The following MED13 variants were observed in gnomAD, a reference collection of about 807,000 sequenced individuals.
The protein encoded by MED13 is mediator of RNA polymerase II transcription subunit 13.
MED13 carries 23 observed loss-of-function variants against 225.2 expected under a neutral mutation model. The ratio of observed to expected loss-of-function variants is 0.10; its 90% confidence interval spans 0.07 to 0.14. The LOEUF is 0.14. Ranked by LOEUF, MED13 falls within the 10% of genes least tolerant of loss-of-function variation. The probability of loss-of-function intolerance (pLI) is 1.00; values close to 1 mark genes in which losing one functional copy is unlikely to be tolerated. For missense variants in MED13, 2,197 were observed against 2,594.5 expected (o/e 0.85, Z 3.33); for synonymous variants, 942 against 889.2 (o/e 1.06, Z -1.06).
intron 3 of MED13, among the ~76,000 whole-genome samples, chr17:62,045,882 G>A (rs1231422905): frequency 1.3e-5 from 2 of 152,074 alleles, no homozygotes; most frequent in Admixed American, 1.3e-4. Context: ...AGTCCCTAAA[G>A]ACTGTTAAAC....
chr17:61,965,987 G>A (rs975032231), intron 19 of MED13, among the ~76,000 whole-genome samples: 1 of 151,920 alleles, frequency 6.6e-6, no homozygotes, highest in African/African-American at 2.4e-5. Flanking sequence ...AAGCAATACA[G>A]TTAGGCACGG....
chr17:61,984,173 C>T lies in MED13; in HGVS notation c.2886G>A (p.Glu962=). Residue 962 remains glutamate, a splice_region_variant and synonymous_variant, in exon 15 of 30, where the codon GAG becomes GAA. Transcript: ENST00000397786. ...TATTGTAACAACATAAATCATACCCCTCTTTGATGAATGGCATTGAAGGCC... is the reference window on the plus strand; with the variant it reads ...TATTGTAACAACATAAATCATACCCTTCTTTGATGAATGGCATTGAAGGCC... ...SSGPSMPFIK[E]GDGSNMDQEY... 2 of 1,554,880 alleles carry T rather than the reference C, an allele frequency of 1.3e-6. No individual in the cohort carries two copies. The highest frequency in any genetic ancestry group is 1.7e-6 in the Non-Finnish European group (2 of 1,153,846).
chr17:62,029,945 T>C lies in MED13; in HGVS notation c.1078A>G (p.Thr360Ala), dbSNP rs370949159. Residue 360 changes from threonine (T) to alanine (A), a missense_variant, in exon 7 of 30, where the codon ACT becomes GCT. Transcript: ENST00000397786. ...SVSDGFNSDS[T>A]SHHGGKIPRK... ...GGTATTTTCCCACCATGGTGGCTAG[T>C]ACTATCGGAGTTGAAGCCATCAGAT... 6.2e-7 allele frequency: 1 copy of C among 1,613,884 alleles called. No individual in the cohort carries two copies. Among genetic ancestry groups the C allele is most frequent in the African/African-American group, 1.3e-5 (1 of 75,034 alleles).
Position 61,944,129 on chromosome 17 carries a change from C to T in MED13, c.*2339G>A, listed in dbSNP as rs2079834878. The stretch of plus-strand genomic sequence containing the variant: ...AAATCCTGTATATTTGGGAACTATT[C>T]CCTGATTCCCAAATAAAAAATAATT... On this transcript the variant is annotated 3_prime_UTR_variant, in exon 30 of 30. Coordinates refer to ENST00000397786, the MANE Select transcript of MED13 (RefSeq NM_005121.3). 1 of 152,438 alleles carries T rather than the reference C, an allele frequency of 6.6e-6. No individual in the cohort carries two copies. The highest frequency in any genetic ancestry group is 1.5e-5 in the Non-Finnish European group (1 of 67,966). 9.4% of individuals were successfully genotyped at this position (152,438 alleles called of 1,614,324 possible). A position where few individuals can be genotyped will look rare whatever the true frequency, so the allele number is the denominator to read the frequency against.
Position 62,014,310 on chromosome 17 carries a change from T to TATATATATATATATATATATATATATATA in MED13, c.1284-3078_1284-3077insTATATATATATATATATATATATATATAT, listed in dbSNP as rs1555638734. Among the ~76,000 whole-genome samples, 5 of 143,114 alleles carry TATATATATATATATATATATATATATATA rather than the reference T, an allele frequency of 3.5e-5. 1 individual carries two copies. The highest frequency in any genetic ancestry group is 1.3e-4 in the African/African-American group (5 of 37,202). The allele number at this position is 143,114 out of a possible 152,430, so 93.9% of individuals were successfully genotyped here. Reference sequence around the variant, plus strand: ...ATGATGGGAAGTTCTGTATATGTTTTTATATATATATATATATATATTTTG... The same window carrying TATATATATATATATATATATATATATATA: ...ATGATGGGAAGTTCTGTATATGTTTTATATATATATATATATATATATATATATATATATATATATATATATATATTTTG... On this transcript the variant is annotated intron_variant, in intron 8 of 29. Transcript: ENST00000397786.
intron 2 of MED13, among the ~76,000 whole-genome samples, chr17:62,056,760 C>CA (rs1405859646): frequency 1.3e-5 from 2 of 150,086 alleles, no homozygotes; most frequent in Admixed American, 1.3e-4. Flanking sequence ...TCCATCCCTA[C>CA]AAAAAAAAGA....
intron 27 of MED13, among the ~76,000 whole-genome samples, chr17:61,951,928 C>T (rs369787626): frequency 4.6e-5 from 7 of 152,066 alleles, no homozygotes; most frequent in Non-Finnish European, 5.9e-5. Flanking sequence ...GATGGAGTCT[C>T]GCTCTGTCGC....
At chr17:62,015,844 C>CACTA (rs1555638993) in intron 8 of MED13, among the ~76,000 whole-genome samples, 1 of 109,096 alleles carries the variant, frequency 9.2e-6, no homozygotes, top group South Asian at 2.9e-4. Context: ...TACACACACA[C>CACTA]TATATATATG....
chr17:62,048,117 G>A (rs905724348), intron 3 of MED13, among the ~76,000 whole-genome samples: 2 of 147,786 alleles, frequency 1.4e-5, no homozygotes, highest in African/African-American at 4.9e-5. Context: ...TAACTGAAAA[G>A]AGAAGGGGCT....
chr17:62,020,359 C>A (rs2080628077), intron 8 of MED13, among the ~76,000 whole-genome samples: 1 of 151,848 alleles, frequency 6.6e-6, no homozygotes, highest in East Asian at 1.9e-4. Flanking sequence ...TTTCTGTAAC[C>A]CACTTTATAC....
intron 17 of MED13, among the ~76,000 whole-genome samples, chr17:61,969,267 G>A (rs1265717043): frequency 1.3e-5 from 2 of 152,118 alleles, no homozygotes; most frequent in Non-Finnish European, 2.9e-5. Flanking sequence ...AAGCAGAATT[G>A]CTTGAACCCA....
chr17:61,985,109 T>C lies in MED13; in HGVS notation c.2386-19A>G. On this transcript the variant is annotated intron_variant, in intron 12 of 29. Coordinates refer to ENST00000397786, the MANE Select transcript of MED13 (RefSeq NM_005121.3). ...ATCCAGGCTATTTAAAAAAAGCACA[T>C]ATTTATCTAAAATTTTACATCCAAT... 1.9e-6 allele frequency: 3 copies of C among 1,597,606 alleles called. No individual in the cohort carries two copies. Among genetic ancestry groups the C allele is most frequent in the Admixed American group, 1.7e-5 (1 of 58,878 alleles).
chr17:62,015,958 T>A (rs1251889476), intron 8 of MED13, among the ~76,000 whole-genome samples: 554 of 5,842 alleles, frequency 0.095, 4 homozygotes, highest in Admixed American at 0.16. Flanking sequence ...ATATATATTT[T>A]TTTTTTTTTT....
chr17:61,972,909 A>C (rs1481310483), intron 16 of MED13, 21 bp from the exon 17 acceptor site: 4 of 1,564,752 alleles, frequency 2.6e-6, no homozygotes, highest in African/African-American at 1.4e-5. Flanking sequence ...TTTAAAAAAA[A>C]CAAGTAATTA....
intron 3 of MED13, among the ~76,000 whole-genome samples, chr17:62,048,046 A>ATATATATATATG (rs1555644435): frequency 6.4e-5 from 7 of 108,732 alleles, no homozygotes; most frequent in Admixed American, 2.7e-4. Context: ...ACATATACAT[A>ATATATATATATG]TATATATATA....
intron 23 of MED13, among the ~76,000 whole-genome samples, chr17:61,959,063 G>C (rs983400664): frequency 1.3e-5 from 2 of 151,650 alleles, no homozygotes; most frequent in Non-Finnish European, 2.9e-5. Context: ...GAGTGCAATA[G>C]CACAATCTCG....
intron 26 of MED13, among the ~76,000 whole-genome samples, chr17:61,954,369 A>G (rs369366032): frequency 1.3e-5 from 2 of 152,222 alleles, no homozygotes; most frequent in African/African-American, 4.8e-5. Flanking sequence ...TATAAATTAC[A>G]TTATTTTGGC....
chr17:62,062,400 T>C (rs2081045752), intron 2 of MED13, among the ~76,000 whole-genome samples: 1 of 152,240 alleles, frequency 6.6e-6, no homozygotes, highest in South Asian at 2.1e-4. Context: ...TAAAATTGTT[T>C]GTGTAACCTT....
At chr17:62,008,016 C>CAAAAAA (rs60236710) in intron 9 of MED13, among the ~76,000 whole-genome samples, 6,559 of 49,968 alleles carry the variant, frequency 0.13, 608 homozygotes, top group East Asian at 0.43. Context: ...GAGACTGTCT[C>CAAAAAA]AAAAAAAAAA....
Sources: gnomAD v4.1 joint callset for allele counts (sites outside exome capture counted in the v4.1 genomes callset) on GRCh38, gnomAD v4.1.1 for gene constraint, MANE v1.5 for transcripts, NCBI Gene and HGNC (gene_info 2026-07-23, HGNC 2026-07-21) for gene names.